DIRAS2: variants seen among roughly 807,000 people sequenced by gnomAD.
The protein encoded by DIRAS2 is DIRAS family GTPase 2.
In DIRAS2, 5 loss-of-function variants were observed where a neutral mutation model predicts 13.9. That is an observed-to-expected ratio of 0.36 (90% CI 0.19 to 0.76). The LOEUF (loss-of-function observed/expected upper bound fraction) is 0.76. DIRAS2 is among the 30% of genes least tolerant of loss of function. The pLI, the probability that DIRAS2 is intolerant of heterozygous loss-of-function variation, is 0.53. For synonymous variants in DIRAS2, 111 were observed against 105.4 expected, an observed-to-expected ratio of 1.05 and a Z score of -0.33; for missense variants, 191 against 263.0, an observed-to-expected ratio of 0.73 and a Z score of 1.89.
intron 1 of DIRAS2, among the ~76,000 whole-genome samples, chr9:90,628,146 T>A (rs1487014277): frequency 2.0e-5 from 3 of 152,152 alleles, no homozygotes; most frequent in Admixed American, 6.5e-5. Context: ...GGCCTTAAGT[T>A]CCTACTGTAT....
chr9:90,625,237 C>A (rs1825257301), intron 1 of DIRAS2, among the ~76,000 whole-genome samples: 1 of 152,194 alleles, frequency 6.6e-6, no homozygotes, highest in South Asian at 2.1e-4. Flanking sequence ...AATTCACTGT[C>A]AGCCCGTGGG....
At chr9:90,623,128 G>T (rs1003509385) in intron 1 of DIRAS2, among the ~76,000 whole-genome samples, 1 of 152,260 alleles carries the variant, frequency 6.6e-6, no homozygotes, top group South Asian at 2.1e-4. Flanking sequence ...GGTTGTGGCT[G>T]TTCTCCTCGC....
rs1825114222 is a variant in DIRAS2 at position 90,611,580 on chromosome 9, C to G, written c.*1648G>C. The stretch of plus-strand genomic sequence containing the variant: ...GGAGATGGCCACACTGCTGCTGCTG[C>G]AAGCCCTGCATAGGAGGGACAGGAG... On this transcript the variant is annotated 3_prime_UTR_variant, in exon 2 of 2. Coordinates refer to ENST00000375765, the MANE Select transcript of DIRAS2 (RefSeq NM_017594.5). The G allele has an allele frequency of 6.6e-6, 1 of 152,416 alleles. No individual in the cohort carries two copies. Among genetic ancestry groups the G allele is most frequent in the South Asian group, 2.1e-4 (1 of 4,838 alleles). 9.4% of individuals were successfully genotyped at this position (152,416 alleles called of 1,614,324 possible).
intron 1 of DIRAS2, among the ~76,000 whole-genome samples, chr9:90,638,977 T>G (rs1247899820): frequency 6.6e-6 from 1 of 152,130 alleles, no homozygotes; most frequent in Non-Finnish European, 1.5e-5. Context: ...CTAAAGATGG[T>G]AAAGGAGGAA....
At chr9:90,615,707 C>G (rs1825163011) in intron 1 of DIRAS2, among the ~76,000 whole-genome samples, 1 of 152,112 alleles carries the variant, frequency 6.6e-6, no homozygotes, top group African/African-American at 2.4e-5. Flanking sequence ...TACTGGAGGG[C>G]ATGGCATGAT....
At chr9:90,633,537 T>C (rs150474403) in intron 1 of DIRAS2, among the ~76,000 whole-genome samples, 1 of 152,276 alleles carries the variant, frequency 6.6e-6, no homozygotes, top group Non-Finnish European at 1.5e-5. Flanking sequence ...AGCTATAGCA[T>C]CTGGGATAGG....
chr9:90,637,117 C>T (rs1390905743), intron 1 of DIRAS2, among the ~76,000 whole-genome samples: 1 of 152,178 alleles, frequency 6.6e-6, no homozygotes, highest in East Asian at 1.9e-4. Flanking sequence ...ATCACCAGCC[C>T]AGGAAAATAT....
chr9:90,618,276 G>T (rs1825188349), intron 1 of DIRAS2, among the ~76,000 whole-genome samples: 1 of 152,136 alleles, frequency 6.6e-6, no homozygotes, highest in South Asian at 2.1e-4. Context: ...CATATTTACA[G>T]TCAATTGTTT....
At chr9:90,616,292 C>G (rs1032953981) in intron 1 of DIRAS2, among the ~76,000 whole-genome samples, 23 of 152,226 alleles carry the variant, frequency 1.5e-4, no homozygotes, top group Non-Finnish European at 1.2e-4. Flanking sequence ...CTAAACCAGG[C>G]TGTGGACAAG....
At chr9:90,635,852 A>C (rs1284951557) in intron 1 of DIRAS2, among the ~76,000 whole-genome samples, 2 of 152,080 alleles carry the variant, frequency 1.3e-5, no homozygotes, top group Non-Finnish European at 2.9e-5. Flanking sequence ...AATTAGTATA[A>C]GTTTCCTATT....
At chr9:90,636,027 C>G in intron 1 of DIRAS2, among the ~76,000 whole-genome samples, 1 of 66,260 alleles carries the variant, frequency 1.5e-5, no homozygotes, top group African/African-American at 6.1e-5. Flanking sequence ...ACTGAATATT[C>G]TTTTTTTTTT....
At chr9:90,640,953 ACT>A (rs1564023973) in intron 1 of DIRAS2, among the ~76,000 whole-genome samples, 3 of 152,172 alleles carry the variant, frequency 2.0e-5, no homozygotes, top group African/African-American at 4.8e-5. Flanking sequence ...TCACAGATAC[ACT>A]CTCTTTTTGA....
intron 1 of DIRAS2, among the ~76,000 whole-genome samples, chr9:90,639,657 G>C (rs1825401152): frequency 6.6e-6 from 1 of 152,188 alleles, no homozygotes; most frequent in Non-Finnish European, 1.5e-5. Context: ...TGTTTCCTTT[G>C]TTTCTGCCAC....
At chr9:90,619,507 T>TCAA in intron 1 of DIRAS2, among the ~76,000 whole-genome samples, 1 of 152,216 alleles carries the variant, frequency 6.6e-6, no homozygotes, top group African/African-American at 2.4e-5. Context: ...ATGGTTATAA[T>TCAA]CAACAACAAC....
intron 1 of DIRAS2, among the ~76,000 whole-genome samples, chr9:90,636,199 G>A (rs1265798101): frequency 6.6e-6 from 1 of 151,518 alleles, no homozygotes; most frequent in Non-Finnish European, 1.5e-5. Flanking sequence ...CACCACACCC[G>A]GCTAATTTTC....
At chr9:90,618,728 C>T (rs947454381) in intron 1 of DIRAS2, among the ~76,000 whole-genome samples, 1 of 152,078 alleles carries the variant, frequency 6.6e-6, no homozygotes, top group Admixed American at 6.5e-5. Context: ...GGGCAAAAGA[C>T]TTAAAAAGAC....
At chr9:90,627,862 G>A (rs916800038) in intron 1 of DIRAS2, among the ~76,000 whole-genome samples, 2 of 152,076 alleles carry the variant, frequency 1.3e-5, no homozygotes, top group African/African-American at 4.8e-5. Context: ...CAAGGGTCAG[G>A]GGTTGTGGGG....
intron 1 of DIRAS2, among the ~76,000 whole-genome samples, chr9:90,626,441 T>TAAA (rs35821705): frequency 7.4e-5 from 10 of 134,996 alleles, no homozygotes; most frequent in African/African-American, 2.3e-4. Context: ...CCCCATTTCT[T>TAAA]AAAAAAAAAA....
At chr9:90,641,488 A>G (rs1193028952) in intron 1 of DIRAS2, among the ~76,000 whole-genome samples, 1 of 152,198 alleles carries the variant, frequency 6.6e-6, no homozygotes, top group Non-Finnish European at 1.5e-5. Flanking sequence ...TATTTCTATA[A>G]AATGAACTAT....
Sources: gnomAD v4.1 joint callset for allele counts (sites outside exome capture counted in the v4.1 genomes callset) on GRCh38, gnomAD v4.1.1 for gene constraint, MANE v1.5 for transcripts, NCBI Gene and HGNC (gene_info 2026-07-23, HGNC 2026-07-21) for gene names.